ANPEP: variants seen among roughly 807,000 people sequenced by gnomAD.
The protein encoded by ANPEP is alanyl aminopeptidase, membrane.
A neutral mutation model predicts 114.6 loss-of-function variants in ANPEP; 70 were observed. The ratio of observed to expected loss-of-function variants is 0.61; its 90% CI spans 0.50 to 0.75. The LOEUF (loss-of-function observed/expected upper bound fraction) is 0.75, where lower values mean the gene tolerates loss of function less well. Among genes scored for constraint, ANPEP ranks in the 30% least tolerant of loss-of-function variants. The pLI is 0.00. For missense variants in ANPEP, 1,184 were observed against 1,259.5 expected, an observed-to-expected ratio of 0.94 and a Z score of 0.91; for synonymous variants, 548 against 522.3, an observed-to-expected ratio of 1.05 and a Z score of -0.67.
chr15:89,799,622 C>G lies in ANPEP; in HGVS notation c.1820-63G>C. ...AGGCCATGGGCTGACCCCTGGACCT[C>G]TTGCAAGAGCAGCTGCCCCCGCAGC... On this transcript the variant is annotated intron_variant, in intron 12 of 20. Transcript: ENST00000300060. The surrounding 1 kb of genome is among the most constrained non-coding windows in gnomAD (Gnocchi z 4.2). 6.2e-7 allele frequency: 1 copy of G among 1,604,424 alleles called. No individual in the cohort carries two copies. Among genetic ancestry groups the G allele is most frequent in the East Asian group, 2.2e-5 (1 of 44,756 alleles).
intron 4 of ANPEP, 150 bp from the exon 5 acceptor site, chr15:89,804,767 G>T: frequency 8.7e-7 from 1 of 1,151,690 alleles, no homozygotes; most frequent in Non-Finnish European, 1.2e-6. Context: ...GGTCAGCAGA[G>T]GGGAACGCTA....
chr15:89,798,355 A>G (rs1361870582), intron 14 of ANPEP, among the ~76,000 whole-genome samples: 1 of 152,186 alleles, frequency 6.6e-6, no homozygotes, highest in East Asian at 1.9e-4. Context: ...AGCTTGGTGC[A>G]GCTGGGCACG....
intron 2 of ANPEP, among the ~76,000 whole-genome samples, 179 bp from the exon 3 acceptor site, chr15:89,805,642 C>A (rs879492758): frequency 6.6e-6 from 1 of 152,220 alleles, no homozygotes; most frequent in African/African-American, 2.4e-5. Context: ...CCAGCTGACT[C>A]GTGGGGGTTG....
At chr15:89,787,368 C>T (rs1019089681) in intron 20 of ANPEP, among the ~76,000 whole-genome samples, 23 of 152,120 alleles carry the variant, frequency 1.5e-4, no homozygotes, top group African/African-American at 4.6e-4. Flanking sequence ...GAAAAAACAT[C>T]GTCAGGTCTT....
Position 89,804,614 on chromosome 15 carries a change from G to A in ANPEP, c.901C>T (p.Arg301Trp), listed in dbSNP as rs917678782. The A allele has an allele frequency of 6.2e-6, 10 of 1,613,514 alleles. No individual in the cohort carries two copies. The highest frequency in any genetic ancestry group is 1.1e-5 in the South Asian group (1 of 91,020). ...ATGGCACTGGGCCGGGCCCAGATCC[G>A]GATCTGCAAGGTGTGAGGAAGAAGC... is the stretch of plus-strand genomic sequence containing the variant. The part of the protein sequence containing the change: ...EKQASNGVLI[R>W]IWARPSAIAA... Residue 301 changes from arginine (R) to tryptophan (W), a missense_variant, in exon 5 of 21, where the codon CGG becomes TGG. Coordinates refer to ENST00000300060, the MANE Select transcript of ANPEP (RefSeq NM_001150.3).
Position 89,805,108 on chromosome 15 carries a change from G to A in ANPEP, c.867C>T (p.Tyr289=), listed in dbSNP as rs1340399275. The A allele has an allele frequency of 3.1e-6, 5 of 1,614,252 alleles. No individual in the cohort carries two copies. The highest frequency in any genetic ancestry group is 2.7e-5 in the African/African-American group (2 of 75,068). Residue 289 remains tyrosine (Y), a synonymous_variant, in exon 4 of 21, where the codon TAC becomes TAT. Transcript: ENST00000300060. ...CACCATTGGATGCCTGCTTCTCCAC[G>A]TAGTCGAACTCACTGACAATGAAGG... ...LLAFIVSEFD[Y]VEKQASNGVL...
chr15:89,803,842 G>T lies in ANPEP; in HGVS notation c.1293+47C>A. On this transcript the variant is annotated intron_variant, in intron 7 of 20. Transcript: ENST00000300060. The surrounding 1 kb of genome is among the most constrained non-coding windows in gnomAD (Gnocchi z 4.2). The stretch of plus-strand genomic sequence containing the variant: ...GACTGGCCTGGTAGCGGTGGCCCAG[G>T]TCTCCCTCCATGCCCCCCGCACCAG... 6.2e-7 allele frequency: 1 copy of T among 1,613,276 alleles called. No individual in the cohort carries two copies. The highest frequency in any genetic ancestry group is 1.1e-5 in the South Asian group (1 of 91,036).
intron 18 of ANPEP, among the ~76,000 whole-genome samples, chr15:89,791,868 C>T (rs1968634303): frequency 6.6e-6 from 1 of 152,114 alleles, no homozygotes; most frequent in Non-Finnish European, 1.5e-5. Flanking sequence ...TGAAAAGACC[C>T]AGGTCCAGCT....
rs762182681 is a variant in ANPEP, at chr15:89,801,567, C to G, written c.1610G>C (p.Arg537Pro). The change falls in exon 11 of 21, where the codon CGG becomes CCG. Residue 537 changes from arginine to proline, a missense_variant. Coordinates refer to ENST00000300060, the MANE Select transcript of ANPEP (RefSeq NM_001150.3). ...NRSIQLPTTV[R>P]DIMNRWTLQM... is the part of the protein sequence containing the mutation. ...CAGGGTCCAGCGGTTCATGATGTCC[C>G]GCACGGTGGTGGGGAGTTGGATGGA... 2 of 1,614,068 alleles carry G rather than the reference C, an allele frequency of 1.2e-6. No homozygotes were observed. The highest frequency in any genetic ancestry group is 1.7e-6 in the Non-Finnish European group (2 of 1,179,942).
intron 4 of ANPEP, 69 bp from the exon 5 acceptor site, chr15:89,804,686 A>C (rs1294199388): frequency 5.7e-6 from 9 of 1,578,424 alleles, no homozygotes; most frequent in Non-Finnish European, 7.7e-6. Flanking sequence ...GCTGGGTCCC[A>C]GGGCCCAGTG....
Position 89,806,367 on chromosome 15 carries a change from G to A in ANPEP, c.217C>T (p.Arg73Cys), listed in dbSNP as rs200298670. Residue 73 changes from arginine (R) to cysteine (C), a missense_variant, in exon 2 of 21, where the codon CGT becomes TGT. Coordinates refer to ENST00000300060, the MANE Select transcript of ANPEP (RefSeq NM_001150.3). This position sits in a 1 kb window ranked among gnomAD's most constrained non-coding sequence, Gnocchi z 5.7. ...TTCAGCGTGTTGGGGAGGCGGTAAC[G>A]ATTCCACGCTTTACTTTGGTCCAAG... ...TTLDQSKAWNRYRLPNTLKPD... is the reference protein window; with the variant it reads ...TTLDQSKAWNCYRLPNTLKPD... 4.6e-4 allele frequency: 736 copies of A among 1,614,052 alleles called. No individual in the cohort carries two copies. The highest frequency in any genetic ancestry group is 5.7e-4 in the Non-Finnish European group (673 of 1,180,040).
At chr15:89,786,856 G>A (rs1023690355) in intron 20 of ANPEP, among the ~76,000 whole-genome samples, 1 of 152,016 alleles carries the variant, frequency 6.6e-6, no homozygotes, top group Non-Finnish European at 1.5e-5. Flanking sequence ...ACCGTCAATT[G>A]ATTTTCAACT....
chr15:89,804,847 G>A, intron 4 of ANPEP: 4 of 818,228 alleles, frequency 4.9e-6, no homozygotes, highest in Non-Finnish European at 7.5e-6. Context: ...GCCACCGTCT[G>A]TCTGGTAACC....
chr15:89,805,555 A>G, intron 2 of ANPEP, 92 bp from the exon 3 acceptor site: 2 of 1,515,784 alleles, frequency 1.3e-6, no homozygotes, highest in Non-Finnish European at 8.9e-7. Flanking sequence ...AAAGGGGTAC[A>G]TGGAAGGCTG....
rs763035528 is a variant in ANPEP at position 89,799,323 on chromosome 15, G to A, written c.1954-8C>T. ...ATTGATGACAGGGATGGCCTAGAAT[G>A]CGAAGCACAGCATGTGACCATGGGT... On this transcript the variant is annotated splice_region_variant and splice_polypyrimidine_tract_variant and intron_variant, in intron 13 of 20. Coordinates refer to ENST00000300060, the MANE Select transcript of ANPEP (RefSeq NM_001150.3). This position sits in a 1 kb window ranked among gnomAD's most constrained non-coding sequence, Gnocchi z 4.2. 3.1e-6 allele frequency: 5 copies of A among 1,614,104 alleles called. No homozygotes were observed. The African/African-American group carries it at 6.7e-5, about 22-fold the overall frequency.
At chr15:89,787,792 C>A (rs1366379545) in intron 20 of ANPEP, among the ~76,000 whole-genome samples, 1 of 152,078 alleles carries the variant, frequency 6.6e-6, no homozygotes, top group Non-Finnish European at 1.5e-5. Context: ...ATAGTAAGAC[C>A]CTCTCTCGAA....
In ANPEP at chr15:89,792,147, C is replaced by T. The variant is rs756048413; in HGVS notation, c.2528+13G>A. 11 of 1,610,742 alleles carry T rather than the reference C, an allele frequency of 6.8e-6. No homozygotes were observed. Among genetic ancestry groups the T allele is most frequent in the South Asian group, 3.3e-5 (3 of 90,734 alleles). On this transcript the variant is annotated intron_variant, in intron 18 of 20. Transcript: ENST00000300060. ...AGAGGGCTCTCGCAGTCCCACCCTG[C>T]GCCAAGACTCACCTGTTCAGGATCC...
In ANPEP at chr15:89,791,125, C is replaced by G. The variant is rs201233331; in HGVS notation, c.2529-32G>C. 5.0e-6 allele frequency: 8 copies of G among 1,610,404 alleles called. No homozygotes were observed. In the East Asian group the frequency reaches 1.8e-4, roughly 36 times the overall value. On this transcript the variant is annotated intron_variant, in intron 18 of 20. Coordinates refer to ENST00000300060, the MANE Select transcript of ANPEP (RefSeq NM_001150.3). ...GGGCCAGATGCTGTCTCAGCTACTG[C>G]TAATTCAGGTGACTCAGGAGAGAAC...
intron 15 of ANPEP, 81 bp downstream of exon 15, chr15:89,797,494 A>C (rs3934): frequency 0.7 from 1,055,049 of 1,502,216 alleles, 373,720 homozygotes; most frequent in African/African-American, 0.9. Flanking sequence ...TCCAGTAGGC[A>C]ATAGTCTATT....
Sources: gnomAD v4.1 joint callset for allele counts (sites outside exome capture counted in the v4.1 genomes callset) on GRCh38, gnomAD v4.1.1 for gene constraint, Gnocchi (gnomAD v3.1) non-coding constraint, MANE v1.5 for transcripts, NCBI Gene and HGNC (gene_info 2026-07-23, HGNC 2026-07-21) for gene names.